Variants in PLCH1 observed in about 807,000 individuals in gnomAD.
PLCH1 encodes the protein phospholipase C eta 1.
A neutral mutation model predicts 126.7 loss-of-function variants in PLCH1; 60 were observed. The ratio of observed to expected loss-of-function variants is 0.47; its 90% CI spans 0.38 to 0.59. The LOEUF is 0.59. Among genes scored for constraint, PLCH1 ranks in the 20% least tolerant of loss-of-function variants. The pLI is 0.00. For synonymous variants in PLCH1, 719 were observed against 734.9 expected (o/e 0.98, Z 0.35); for missense variants, 1,723 against 2,040.0 (o/e 0.84, Z 2.99).
intron 10 of PLCH1, among the ~76,000 whole-genome samples, chr3:155,547,593 A>G (rs1167198116): frequency 6.6e-6 from 1 of 152,146 alleles, no homozygotes; most frequent in Non-Finnish European, 1.5e-5. Context: ...ATGCACATGT[A>G]TGTTTACTGT....
intron 10 of PLCH1, among the ~76,000 whole-genome samples, chr3:155,533,383 C>T (rs1300606150): frequency 1.3e-5 from 2 of 151,950 alleles, no homozygotes; most frequent in African/African-American, 2.4e-5. Flanking sequence ...CCCGTTTCTA[C>T]TAAAAGTACA....
intron 10 of PLCH1, among the ~76,000 whole-genome samples, chr3:155,549,502 C>T (rs555312236): frequency 6.6e-6 from 1 of 152,280 alleles, no homozygotes; most frequent in South Asian, 2.1e-4. Flanking sequence ...ACACATTTCT[C>T]TCTAGTGTGA....
chr3:155,699,882 A>G (rs971969568), intron 2 of PLCH1, among the ~76,000 whole-genome samples: 5 of 142,294 alleles, frequency 3.5e-5, no homozygotes, highest in Non-Finnish European at 7.7e-5. Flanking sequence ...GAAATGCAGC[A>G]TTTTGCCAGT....
In PLCH1 at chr3:155,481,366, A is replaced by G. The variant is rs200003285; in HGVS notation, c.4660T>C (p.Tyr1554His). ...AGCTGATTGGCATCCTGCTTTGAAT[A>G]TAGCACTTGGCAGTTGTCTTCCTGG... ...FDQEDNCQVL[Y>H]SKQDANQLPR... is the part of the protein sequence containing the mutation. The change falls in exon 23 of 23, where the codon TAT becomes CAT. Residue 1554 changes from tyrosine to histidine, a missense_variant. Tyr to His is a moderately conservative substitution (Grantham distance 83, BLOSUM62 2). Transcript: ENST00000460012. This position sits in a 1 kb window ranked among gnomAD's most constrained non-coding sequence, Gnocchi z 4.2. 31 of 1,614,206 alleles carry G rather than the reference A, an allele frequency of 1.9e-5. No homozygotes were observed. The highest frequency in any genetic ancestry group is 1.8e-4 in the East Asian group (8 of 44,890).
intron 2 of PLCH1, among the ~76,000 whole-genome samples, chr3:155,630,074 T>C (rs1425821731): frequency 1.3e-5 from 2 of 152,234 alleles, no homozygotes; most frequent in Admixed American, 6.5e-5. Flanking sequence ...AGAAATGTTT[T>C]ATCATCCCAT....
At chr3:155,642,992 A>G (rs1245739482) in intron 2 of PLCH1, among the ~76,000 whole-genome samples, 2 of 152,128 alleles carry the variant, frequency 1.3e-5, no homozygotes, top group Non-Finnish European at 2.9e-5. Flanking sequence ...CTTTGTCACC[A>G]GGCTGGAGTG....
intron 17 of PLCH1, among the ~76,000 whole-genome samples, chr3:155,493,355 T>C (rs1166395592): frequency 1.3e-5 from 2 of 152,218 alleles, no homozygotes; most frequent in Non-Finnish European, 2.9e-5. Context: ...CAAAAGAAAG[T>C]GTTGTTTGAT....
At chr3:155,544,329 A>G (rs1490347243) in intron 10 of PLCH1, among the ~76,000 whole-genome samples, 1 of 152,252 alleles carries the variant, frequency 6.6e-6, no homozygotes, top group Non-Finnish European at 1.5e-5. Flanking sequence ...TTCAACAAGA[A>G]GAGCTAACTA....
intron 4 of PLCH1, among the ~76,000 whole-genome samples, chr3:155,590,675 A>G (rs1732040230): frequency 6.6e-6 from 1 of 152,154 alleles, no homozygotes; most frequent in East Asian, 1.9e-4. Context: ...GCGTGAACCC[A>G]GGAGGCGGAG....
chr3:155,633,171 C>T lies in PLCH1; in HGVS notation c.80-36793G>A, dbSNP rs1005488142. Among the ~76,000 whole-genome samples, 5 of 152,170 alleles carry T rather than the reference C, an allele frequency of 3.3e-5. No homozygotes were observed. In the East Asian group the frequency reaches 9.7e-4, roughly 30 times the overall value. On this transcript the variant is annotated intron_variant, in intron 2 of 22. Coordinates refer to ENST00000460012, the MANE Select transcript of PLCH1 (RefSeq NM_014996.4). ...AGAAAGGGGGCTACAGCTCCCATTG[C>T]TGAGGGCACCAAGACCTACCTACTT...
chr3:155,524,265 G>C (rs1721611191), intron 10 of PLCH1, among the ~76,000 whole-genome samples: 1 of 152,198 alleles, frequency 6.6e-6, no homozygotes, highest in South Asian at 2.1e-4. Flanking sequence ...CAAATTCATA[G>C]AGACAGAAAG....
intron 14 of PLCH1, among the ~76,000 whole-genome samples, chr3:155,500,383 G>T (rs1407599256): frequency 6.6e-6 from 1 of 152,110 alleles, no homozygotes; most frequent in East Asian, 1.9e-4. Context: ...CTCCTAACAT[G>T]GGCTTAGCAT....
At chr3:155,516,884 C>T (rs1038585702) in intron 11 of PLCH1, among the ~76,000 whole-genome samples, 2 of 152,038 alleles carry the variant, frequency 1.3e-5, no homozygotes, top group Non-Finnish European at 2.9e-5. Flanking sequence ...ATTACACAAG[C>T]AGGAACAAGT....
intron 2 of PLCH1, among the ~76,000 whole-genome samples, chr3:155,604,241 A>C (rs551335808): frequency 6.6e-5 from 10 of 152,170 alleles, no homozygotes; most frequent in Non-Finnish European, 1.5e-4. Flanking sequence ...TTAAAAAGCT[A>C]TTCCTTGCCA....
intron 20 of PLCH1, 86 bp downstream of exon 20, chr3:155,488,574 T>C (rs1432926417): frequency 9.0e-7 from 1 of 1,106,034 alleles, no homozygotes; most frequent in East Asian, 2.4e-5. Flanking sequence ...TCACGTATGC[T>C]ATTATGTAAG....
chr3:155,518,548 G>C (rs1305097092), intron 11 of PLCH1, among the ~76,000 whole-genome samples: 3 of 152,136 alleles, frequency 2.0e-5, no homozygotes, highest in Admixed American at 1.3e-4. Flanking sequence ...ACCATGCACA[G>C]GTTCATATTT....
intron 2 of PLCH1, among the ~76,000 whole-genome samples, chr3:155,696,568 G>A (rs1745822790): frequency 6.6e-6 from 1 of 152,304 alleles, no homozygotes; most frequent in South Asian, 2.1e-4. Flanking sequence ...AAAACTAATT[G>A]TAATTATGGA....
At chr3:155,515,047 C>T (rs1383210548) in intron 11 of PLCH1, among the ~76,000 whole-genome samples, 163 bp from the exon 12 acceptor site, 1 of 152,212 alleles carries the variant, frequency 6.6e-6, no homozygotes. Flanking sequence ...CCCTCCTCCA[C>T]AAATCCTTTA....
intron 12 of PLCH1, among the ~76,000 whole-genome samples, chr3:155,512,184 G>A (rs1261144150): frequency 6.6e-6 from 1 of 152,026 alleles, no homozygotes; most frequent in Non-Finnish European, 1.5e-5. Flanking sequence ...CTTCCCAGGT[G>A]AGGCAATGCC....
Sources: allele counts gnomAD v4.1 joint callset (sites outside exome capture counted in the v4.1 genomes callset), GRCh38; gene constraint gnomAD v4.1.1; non-coding constraint Gnocchi (gnomAD v3.1); transcripts MANE v1.5; gene names NCBI Gene and HGNC (gene_info 2026-07-23, HGNC 2026-07-21).